PRIM2: variants seen among roughly 807,000 people sequenced by gnomAD.
PRIM2 encodes the protein DNA primase large subunit.
In PRIM2, 39 loss-of-function variants were observed where a neutral mutation model predicts 67.3. The ratio of observed to expected loss-of-function variants is 0.58; its 90% CI spans 0.45 to 0.76. The LOEUF is 0.76. Among genes scored for constraint, PRIM2 ranks in the 30% least tolerant of loss-of-function variants. The pLI is 0.00. For missense variants in PRIM2, 398 were observed against 598.7 expected (o/e 0.66, Z 3.50); for synonymous variants, 143 against 198.7 (o/e 0.72, Z 2.36).
At chr6:57,492,509 C>T (rs1283439095) in intron 7 of PRIM2, among the ~76,000 whole-genome samples, 1 of 150,912 alleles carries the variant, frequency 6.6e-6, no homozygotes, top group Non-Finnish European at 1.5e-5. Flanking sequence ...TGCCACTGCA[C>T]TCCAGCCTGG....
intron 10 of PRIM2, among the ~76,000 whole-genome samples, chr6:57,561,545 C>A (rs1297629747): frequency 2.0e-5 from 3 of 152,282 alleles, no homozygotes; most frequent in Admixed American, 2.0e-4. Context: ...TTCGCTCAAA[C>A]TTTTCTTCTA....
At chr6:57,517,057 G>A (rs1316684923) in intron 8 of PRIM2, among the ~76,000 whole-genome samples, 4 of 152,146 alleles carry the variant, frequency 2.6e-5, no homozygotes, top group African/African-American at 9.7e-5. Flanking sequence ...TCTGGATTGT[G>A]GATACAGGAT....
intron 12 of PRIM2, among the ~76,000 whole-genome samples, chr6:57,608,045 A>G (rs1201603243): frequency 6.6e-6 from 1 of 151,024 alleles, no homozygotes; most frequent in East Asian, 2.0e-4. Context: ...TTTAGAGCTT[A>G]TTGTCATGAG....
the PRIM2 span, among the ~76,000 whole-genome samples, chr6:57,246,351 C>T: frequency 2.6e-5 from 4 of 152,194 alleles, no homozygotes; most frequent in Non-Finnish European, 1.5e-5. Flanking sequence ...GAATACTATT[C>T]TACCTACGCT....
At chr6:57,452,838 T>C (rs944458539) in intron 7 of PRIM2, among the ~76,000 whole-genome samples, 1 of 152,212 alleles carries the variant, frequency 6.6e-6, no homozygotes, top group Non-Finnish European at 1.5e-5. Context: ...GCTTTTGGTG[T>C]TTTAGACATG....
At chr6:57,366,874 T>C (rs533035552) in intron 5 of PRIM2, among the ~76,000 whole-genome samples, 1 of 152,338 alleles carries the variant, frequency 6.6e-6, no homozygotes, top group East Asian at 1.9e-4. Flanking sequence ...TAATTTATGC[T>C]AGCACGGTGT....
chr6:57,242,545 T>C, the PRIM2 span, among the ~76,000 whole-genome samples: 1 of 152,178 alleles, frequency 6.6e-6, no homozygotes, highest in Non-Finnish European at 1.5e-5. Context: ...TCCAAACCAA[T>C]ATGATGGTTA....
chr6:57,278,314 G>A, the PRIM2 span, among the ~76,000 whole-genome samples: 16 of 151,890 alleles, frequency 1.1e-4, no homozygotes, highest in African/African-American at 3.9e-4. Context: ...GTGATAGAGC[G>A]AGACTGTTTA....
Position 57,590,025 on chromosome 6 carries a change from C to T in PRIM2, c.1021-11068C>T, listed in dbSNP as rs1263838615. 1.2e-3 allele frequency among the ~76,000 whole-genome samples: 187 copies of T among 152,250 alleles called. 1 individual carries two copies. Among genetic ancestry groups the T allele is most frequent in the East Asian group, 8.9e-3 (46 of 5,172 alleles). Reference sequence around the variant, plus strand: ...AGTCAGGGAGTAAATGTCTTCTTGACGCAGTGAGCCCCAGAAAGAAAGACT... The same window carrying T: ...AGTCAGGGAGTAAATGTCTTCTTGATGCAGTGAGCCCCAGAAAGAAAGACT... On this transcript the variant is annotated intron_variant, in intron 10 of 13. Transcript: ENST00000615550.
intron 7 of PRIM2, among the ~76,000 whole-genome samples, chr6:57,438,970 A>G (rs1403770904): frequency 6.6e-6 from 1 of 151,938 alleles, no homozygotes; most frequent in Non-Finnish European, 1.5e-5. Context: ...CGGCCTCCCA[A>G]AGTGTTGGGA....
chr6:57,409,258 C>T (rs1209615952), intron 7 of PRIM2, among the ~76,000 whole-genome samples: 3 of 152,014 alleles, frequency 2.0e-5, no homozygotes, highest in Non-Finnish European at 4.4e-5. Flanking sequence ...TCACTGCAAG[C>T]TCTGCCTCTC....
chr6:57,280,150 G>A, the PRIM2 span, among the ~76,000 whole-genome samples: 51 of 152,164 alleles, frequency 3.4e-4, no homozygotes, highest in Admixed American at 3.2e-3. Context: ...TTTTGTTTTC[G>A]TTTTTATTTT....
chr6:57,381,847 A>G (rs919741169), intron 6 of PRIM2, 184 bp from the exon 7 acceptor site: 1 of 264,310 alleles, frequency 3.8e-6, no homozygotes, highest in Non-Finnish European at 5.9e-6. Flanking sequence ...AAACGAACAT[A>G]TTTTTGTACT....
At chr6:57,592,010 C>T (rs1224723436) in intron 10 of PRIM2, among the ~76,000 whole-genome samples, 7 of 152,200 alleles carry the variant, frequency 4.6e-5, no homozygotes, top group East Asian at 1.9e-4. Context: ...AAAATCATGT[C>T]CTTTGCATCA....
chr6:57,249,009 T>G, the PRIM2 span, among the ~76,000 whole-genome samples: 1 of 152,252 alleles, frequency 6.6e-6, no homozygotes, highest in Non-Finnish European at 1.5e-5. Flanking sequence ...GCTGGCGACC[T>G]CATTGCTCCA....
intron 13 of PRIM2, among the ~76,000 whole-genome samples, chr6:57,639,751 C>CA (rs1240205960): frequency 0.019 from 2,670 of 138,184 alleles, 81 homozygotes; most frequent in African/African-American, 0.064. Flanking sequence ...GCCTATCAAC[C>CA]AAAAAAAAAA....
chr6:57,550,575 A>T (rs1775382478), intron 10 of PRIM2, among the ~76,000 whole-genome samples: 1 of 152,334 alleles, frequency 6.6e-6, no homozygotes, highest in African/African-American at 2.4e-5. Context: ...TTTAATTCTT[A>T]AATTATGGAA....
At chr6:57,590,390 G>A (rs1394724008) in intron 10 of PRIM2, among the ~76,000 whole-genome samples, 1 of 152,206 alleles carries the variant, frequency 6.6e-6, no homozygotes, top group African/African-American at 2.4e-5. Flanking sequence ...TGCAATAGAA[G>A]AAGGGATTCC....
chr6:57,425,685 T>G (rs35338677), intron 7 of PRIM2, among the ~76,000 whole-genome samples: 14 of 152,252 alleles, frequency 9.2e-5, no homozygotes, highest in South Asian at 2.1e-4. Flanking sequence ...AGCCAGAAAT[T>G]ATTAATAGTC....
Sources: allele counts gnomAD v4.1 joint callset (sites outside exome capture counted in the v4.1 genomes callset), GRCh38; gene constraint gnomAD v4.1.1; transcripts MANE v1.5; gene names NCBI Gene and HGNC (gene_info 2026-07-23, HGNC 2026-07-21).